VPS13A: variants seen among roughly 807,000 people sequenced by gnomAD.
VPS13A encodes the protein intermembrane lipid transfer protein VPS13A.
In VPS13A, 264 loss-of-function variants were observed where a neutral mutation model predicts 390.9. The ratio of observed to expected loss-of-function variants is 0.68; its 90% confidence interval spans 0.61 to 0.75. VPS13A has a LOEUF of 0.75. Among genes scored for constraint, VPS13A ranks in the 30% least tolerant of loss-of-function variants. VPS13A has a pLI of 0.00. For synonymous variants in VPS13A, 1,231 were observed against 1,227.1 expected, an observed-to-expected ratio of 1.00 and a Z score of -0.07; for missense variants, 3,409 against 3,733.9, an observed-to-expected ratio of 0.91 and a Z score of 2.27.
intron 59 of VPS13A, among the ~76,000 whole-genome samples, chr9:77,362,090 T>A (rs1246086260): frequency 6.6e-6 from 1 of 152,184 alleles, no homozygotes; most frequent in Non-Finnish European, 1.5e-5. Flanking sequence ...AATTTTCAAA[T>A]ATTTTCTCTC....
intron 55 of VPS13A, among the ~76,000 whole-genome samples, 159 bp from the exon 56 acceptor site, chr9:77,357,533 T>C (rs576771448): frequency 2.0e-5 from 3 of 152,226 alleles, no homozygotes; most frequent in Middle Eastern, 3.4e-3. Flanking sequence ...GTAAGAATTA[T>C]ATGAATATGT....
intron 1 of VPS13A, among the ~76,000 whole-genome samples, chr9:77,184,342 GGCATGATGGCTCAT>G (rs1470054210): frequency 6.6e-6 from 1 of 152,130 alleles, no homozygotes; most frequent in Non-Finnish European, 1.5e-5. Flanking sequence ...GTTGGAGCCA[GGCATGATGGCTCAT>G]GCCTGTAATT....
At chr9:77,291,158 G>C (rs928365479) in intron 31 of VPS13A, among the ~76,000 whole-genome samples, 2 of 152,176 alleles carry the variant, frequency 1.3e-5, no homozygotes, top group African/African-American at 4.8e-5. Context: ...TGTCAGATCA[G>C]TGGGGGCATT....
At chr9:77,185,495 G>A (rs1350330496) in intron 1 of VPS13A, among the ~76,000 whole-genome samples, 1 of 152,152 alleles carries the variant, frequency 6.6e-6, no homozygotes. Context: ...ATTATAGTTA[G>A]TGTCTGTTGG....
chr9:77,411,660 C>CAAAAAAAAA lies in VPS13A; in HGVS notation c.9474+4070_9474+4078dup, dbSNP rs1169254413. On this transcript the variant is annotated intron_variant, in intron 71 of 71. Coordinates refer to ENST00000360280, the MANE Select transcript of VPS13A (RefSeq NM_033305.3). ...CCTAGGCAACAGCAAAACTCCATCTCAAAAAAAAAAAAAAAAAAAAAAAAA... is the reference window on the plus strand; with the variant it reads ...CCTAGGCAACAGCAAAACTCCATCTCAAAAAAAAAAAAAAAAAAAAAAAAAAAAAAAAAA... Among the ~76,000 whole-genome samples the CAAAAAAAAA allele has an allele frequency of 7.8e-3, 263 of 33,896 alleles. 25 individuals are homozygous for CAAAAAAAAA. The highest frequency in any genetic ancestry group is 0.02 in the African/African-American group (166 of 8,314). The allele number at this position is 33,896 out of a possible 152,430, so 22.2% of individuals were successfully genotyped here. A position where few individuals can be genotyped will look rare whatever the true frequency, so the allele number is the denominator to read the frequency against.
At chr9:77,410,610 A>C (rs893592712) in intron 71 of VPS13A, among the ~76,000 whole-genome samples, 29 of 152,358 alleles carry the variant, frequency 1.9e-4, no homozygotes, top group African/African-American at 6.0e-4. Flanking sequence ...TCTACCAAGC[A>C]AATGGAAAAC....
chr9:77,309,924 A>G (rs1216300798), intron 35 of VPS13A, among the ~76,000 whole-genome samples: 1 of 152,088 alleles, frequency 6.6e-6, no homozygotes, highest in East Asian at 1.9e-4. Context: ...AAATGATTGC[A>G]TGATTGATTT....
intron 19 of VPS13A, among the ~76,000 whole-genome samples, chr9:77,245,652 C>T (rs931541841): frequency 8.5e-5 from 13 of 152,152 alleles, no homozygotes; most frequent in African/African-American, 2.9e-4. Flanking sequence ...TTTTCTTCCT[C>T]TCTCTACTAG....
chr9:77,295,479 A>C, intron 32 of VPS13A, 63 bp from the exon 33 acceptor site: 1 of 1,327,044 alleles, frequency 7.5e-7, no homozygotes, highest in Non-Finnish European at 1.0e-6. Context: ...CATAAATATC[A>C]ATATATATTT....
intron 67 of VPS13A, among the ~76,000 whole-genome samples, chr9:77,371,828 C>G (rs1319494657): frequency 1.6e-5 from 2 of 127,608 alleles, no homozygotes; most frequent in African/African-American, 5.9e-5. Context: ...CCCCACCCCA[C>G]CTGTGATATT....
At chr9:77,212,034 A>G (rs1347499022) in intron 7 of VPS13A, among the ~76,000 whole-genome samples, 1 of 152,154 alleles carries the variant, frequency 6.6e-6, no homozygotes, top group Non-Finnish European at 1.5e-5. Context: ...CGTTGGTGCC[A>G]AAAAGGTTGG....
chr9:77,402,238 CCTG>C lies in VPS13A; in HGVS notation c.9190-995_9190-993del, dbSNP rs1303697282. The stretch of plus-strand genomic sequence containing the variant: ...CATGCAATTAATCTGTATGAGTCAT[CCTG>C]CTATTTTAGTTTTTTAACTTCTTTC... On this transcript the variant is annotated intron_variant, in intron 68 of 71. Coordinates refer to ENST00000360280, the MANE Select transcript of VPS13A (RefSeq NM_033305.3). 5.3e-5 allele frequency among the ~76,000 whole-genome samples: 8 copies of C among 152,114 alleles called. No homozygotes were observed. The South Asian group carries it at 1.2e-3, about 24-fold the overall frequency.
intron 62 of VPS13A, among the ~76,000 whole-genome samples, chr9:77,368,779 G>T (rs1832584510): frequency 6.6e-6 from 1 of 152,184 alleles, no homozygotes; most frequent in Non-Finnish European, 1.5e-5. Context: ...AGCTTTACAT[G>T]AATATAATGT....
intron 1 of VPS13A, among the ~76,000 whole-genome samples, chr9:77,180,231 C>T (rs187800859): frequency 3.9e-5 from 6 of 152,242 alleles, no homozygotes; most frequent in Non-Finnish European, 7.4e-5. Flanking sequence ...TGGATATATA[C>T]CTAGAAGTGG....
intron 68 of VPS13A, chr9:77,384,676 A>T: frequency 6.2e-7 from 1 of 1,601,794 alleles, no homozygotes; most frequent in Non-Finnish European, 8.5e-7. Flanking sequence ...TCAGATCTAA[A>T]CCATTAAAAT....
Position 77,318,538 on chromosome 9 carries a change from G to T in VPS13A, c.5260G>T (p.Glu1754Ter), listed in dbSNP as rs771102988. The T allele has an allele frequency of 6.2e-7, 1 of 1,613,794 alleles. No individual in the cohort carries two copies. The highest frequency in any genetic ancestry group is 1.7e-5 in the Admixed American group (1 of 59,972). ...TCTGGCAAAGTCACGTTTTTCAGGG[G>T]AAGGCAAAAACTGGAGTTCCCTAAT... ...MLLAKSRFSGEGKNWSSLINL... is the reference protein window; with the variant it reads ...MLLAKSRFSG The change falls in exon 41 of 72, where the codon GAA (glutamate) becomes TAA (stop). Residue 1754 changes from glutamate (E) to a stop codon, truncating the protein, a stop_gained. Transcript: ENST00000360280. LOFTEE classifies it high-confidence loss of function.
rs147520475 is a variant in VPS13A at position 77,349,139 on chromosome 9, C to A, written c.7290-2178C>A. Among the ~76,000 whole-genome samples the A allele has an allele frequency of 8.2e-3, 1,253 of 152,188 alleles. 8 individuals are homozygous for A. Among genetic ancestry groups the A allele is most frequent in the Middle Eastern group, 0.065 (19 of 292 alleles). On this transcript the variant is annotated intron_variant, in intron 52 of 71. Transcript: ENST00000360280. ...AAAAAATGTGAAAGAGGACCATAAT[C>A]CCTGTAATCCAAATACTGTCAACAT... is the stretch of plus-strand genomic sequence containing the variant.
At chr9:77,326,912 C>G (rs1049585903) in intron 45 of VPS13A, among the ~76,000 whole-genome samples, 1 of 152,142 alleles carries the variant, frequency 6.6e-6, no homozygotes, top group African/African-American at 2.4e-5. Context: ...AGGGGACACT[C>G]AGTTTTCCAG....
intron 19 of VPS13A, among the ~76,000 whole-genome samples, chr9:77,239,466 A>T (rs2131235379): frequency 6.6e-6 from 1 of 152,174 alleles, no homozygotes; most frequent in Non-Finnish European, 1.5e-5. Context: ...TTCCTCCTAT[A>T]AACCACATCT....
Sources: gnomAD v4.1 joint callset for allele counts (sites outside exome capture counted in the v4.1 genomes callset) on GRCh38, gnomAD v4.1.1 for gene constraint, MANE v1.5 for transcripts, NCBI Gene and HGNC (gene_info 2026-07-23, HGNC 2026-07-21) for gene names.